Variants in GRIP1 observed in about 807,000 individuals in gnomAD.
GRIP1 encodes the protein glutamate receptor-interacting protein 1.
GRIP1 carries 45 observed loss-of-function variants against 129.9 expected under a neutral mutation model. The ratio of observed to expected loss-of-function variants is 0.35; its 90% CI spans 0.27 to 0.44. The LOEUF is 0.44. Among genes scored for constraint, GRIP1 ranks in the 20% least tolerant of loss-of-function variants. The pLI, the probability that GRIP1 is intolerant of heterozygous loss-of-function variation, is 1.00. For synonymous variants in GRIP1, 530 were observed against 520.8 expected (o/e 1.02, Z -0.24); for missense variants, 1,196 against 1,396.8 (o/e 0.86, Z 2.29).
At chr12:67,068,964 T>G (rs1041826294) in intron 1 of GRIP1, 1 of 580,960 alleles carries the variant, frequency 1.7e-6, no homozygotes, top group African/African-American at 2.1e-5. Context: ...GGTGGACGGG[T>G]CGGGAGGGAG....
chr12:66,614,894 G>C (rs943626836), intron 1 of GRIP1, among the ~76,000 whole-genome samples: 11 of 152,094 alleles, frequency 7.2e-5, no homozygotes, highest in Non-Finnish European at 2.9e-5. Flanking sequence ...ATTCCCTTAT[G>C]CCTTGGCATG....
At chr12:66,560,455 G>A (rs1207769379) in intron 2 of GRIP1, among the ~76,000 whole-genome samples, 1 of 151,752 alleles carries the variant, frequency 6.6e-6, no homozygotes, top group Non-Finnish European at 1.5e-5. Context: ...TATATAAGGA[G>A]CTCAAACAAC....
intron 1 of GRIP1, among the ~76,000 whole-genome samples, chr12:66,649,510 G>A (rs1429567346): frequency 6.6e-6 from 1 of 152,168 alleles, no homozygotes; most frequent in African/African-American, 2.4e-5. Flanking sequence ...GCTGAGCACC[G>A]TATAGGGATA....
At chr12:67,036,338 T>C (rs1381407956) in intron 1 of GRIP1, among the ~76,000 whole-genome samples, 10 of 81,954 alleles carry the variant, frequency 1.2e-4, no homozygotes, top group Non-Finnish European at 3.2e-4. Context: ...AAGGATGTCT[T>C]TTTTTTTTTT....
At chr12:66,427,667 T>C (rs535882256) in intron 14 of GRIP1, among the ~76,000 whole-genome samples, 3 of 152,302 alleles carry the variant, frequency 2.0e-5, no homozygotes, top group Non-Finnish European at 2.9e-5. Flanking sequence ...CACCATTACA[T>C]AGACCTCAGA....
chr12:66,904,106 T>C (rs1485374060), intron 1 of GRIP1, among the ~76,000 whole-genome samples: 1 of 152,238 alleles, frequency 6.6e-6, no homozygotes, highest in Non-Finnish European at 1.5e-5. Flanking sequence ...TGGTATTTAA[T>C]AGCAGGTTCA....
At chr12:66,491,761 T>G (rs967199291) in intron 7 of GRIP1, among the ~76,000 whole-genome samples, 1 of 152,202 alleles carries the variant, frequency 6.6e-6, no homozygotes, top group Non-Finnish European at 1.5e-5. Context: ...ATCCAGCATT[T>G]AAAGTGACAA....
chr12:66,576,335 CG>C (rs2063138291), intron 2 of GRIP1, among the ~76,000 whole-genome samples: 1 of 152,136 alleles, frequency 6.6e-6, no homozygotes, highest in South Asian at 2.1e-4. Context: ...AGATCTCTGC[CG>C]GGGATGCTGC....
At chr12:66,523,555 G>C (rs2061103031) in intron 5 of GRIP1, among the ~76,000 whole-genome samples, 1 of 151,694 alleles carries the variant, frequency 6.6e-6, no homozygotes. Flanking sequence ...GGAACAACTG[G>C]TACCAGCCGC....
intron 16 of GRIP1, among the ~76,000 whole-genome samples, chr12:66,399,250 A>T (rs1404889220): frequency 6.6e-6 from 1 of 151,882 alleles, no homozygotes; most frequent in East Asian, 1.9e-4. Flanking sequence ...TCAACTGCCA[A>T]TTCCACCTGC....
chr12:66,858,886 T>C (rs2040052087), intron 1 of GRIP1, among the ~76,000 whole-genome samples: 1 of 151,592 alleles, frequency 6.6e-6, no homozygotes, highest in Non-Finnish European at 1.5e-5. Context: ...ATTAATTTGG[T>C]GACTTTTTTG....
At chr12:66,367,314 C>T (rs1385140092) in intron 23 of GRIP1, among the ~76,000 whole-genome samples, 3 of 152,188 alleles carry the variant, frequency 2.0e-5, no homozygotes, top group Admixed American at 6.5e-5. Context: ...TGTACCCTGC[C>T]ACCCAGCTGT....
At chr12:66,873,647 T>G (rs1016974062) in intron 1 of GRIP1, among the ~76,000 whole-genome samples, 1 of 152,062 alleles carries the variant, frequency 6.6e-6, no homozygotes, top group African/African-American at 2.4e-5. Flanking sequence ...TTAGTTACAG[T>G]CAAAGCTATT....
chr12:66,968,721 T>C (rs531712468), intron 1 of GRIP1, among the ~76,000 whole-genome samples: 1 of 152,266 alleles, frequency 6.6e-6, no homozygotes, highest in East Asian at 1.9e-4. Context: ...TAATACACCG[T>C]TACAATTATT....
At chr12:66,695,120 G>A (rs1197451010) in intron 1 of GRIP1, among the ~76,000 whole-genome samples, 1 of 152,218 alleles carries the variant, frequency 6.6e-6, no homozygotes, top group Non-Finnish European at 1.5e-5. Context: ...AGTACGATGT[G>A]TTAGATGTTC....
chr12:66,383,299 AAACAACAACAACAAC>A (rs59263648), intron 19 of GRIP1, among the ~76,000 whole-genome samples: 46 of 141,418 alleles, frequency 3.3e-4, no homozygotes, highest in African/African-American at 1.2e-3. Context: ...TCTGTCTCAA[AAACAACAACAACAAC>A]AACAACAACA....
chr12:67,066,594 T>C (rs2043630421), intron 1 of GRIP1, among the ~76,000 whole-genome samples: 1 of 152,178 alleles, frequency 6.6e-6, no homozygotes, highest in Non-Finnish European at 1.5e-5. Flanking sequence ...TTGGTTAATG[T>C]TAATCCAAGA....
chr12:66,880,616 C>A (rs1405549118), intron 1 of GRIP1, among the ~76,000 whole-genome samples: 3 of 152,032 alleles, frequency 2.0e-5, no homozygotes, highest in Non-Finnish European at 4.4e-5. Context: ...GAAACACAGA[C>A]TACATTGTTT....
At chr12:66,703,100 G>A (rs1216878939) in intron 1 of GRIP1, among the ~76,000 whole-genome samples, 1 of 152,106 alleles carries the variant, frequency 6.6e-6, no homozygotes, top group African/African-American at 2.4e-5. Context: ...TCTAATAGCC[G>A]GGAGAAAAGG....
Sources: gnomAD v4.1 joint callset for allele counts (sites outside exome capture counted in the v4.1 genomes callset) on GRCh38, gnomAD v4.1.1 for gene constraint, MANE v1.5 for transcripts, NCBI Gene and HGNC (gene_info 2026-07-23, HGNC 2026-07-21) for gene names.